Variants in CSMD1 observed in about 807,000 individuals in gnomAD.
CSMD1 encodes the protein CUB and Sushi multiple domains 1.
Under a neutral mutation model 417.5 loss-of-function variants are expected in CSMD1, and 213 were observed. The ratio of observed to expected loss-of-function variants is 0.51; its 90% confidence interval spans 0.46 to 0.57. The LOEUF is 0.57. Ranked by LOEUF, CSMD1 falls within the 20% of genes least tolerant of loss-of-function variation. The pLI is 0.00. For synonymous variants in CSMD1, 2,862 were observed against 1,736.8 expected, an observed-to-expected ratio of 1.65 and a Z score of -16.11; for missense variants, 6,923 against 4,529.7, an observed-to-expected ratio of 1.53 and a Z score of -15.17.
At chr8:3,579,791 C>G (rs961959184) in intron 9 of CSMD1, among the ~76,000 whole-genome samples, 4 of 152,144 alleles carry the variant, frequency 2.6e-5, no homozygotes, top group African/African-American at 7.2e-5. Context: ...GACAATAAAG[C>G]ATTTACTACA....
At chr8:4,792,127 C>G (rs763033499) in intron 1 of CSMD1, among the ~76,000 whole-genome samples, 2 of 152,114 alleles carry the variant, frequency 1.3e-5, no homozygotes, top group African/African-American at 4.8e-5. Context: ...AACAGAATCT[C>G]TCTCCTTATT....
At chr8:3,730,064 G>A (rs1269372966) in intron 6 of CSMD1, among the ~76,000 whole-genome samples, 2 of 151,448 alleles carry the variant, frequency 1.3e-5, no homozygotes, top group Non-Finnish European at 1.5e-5. Context: ...TCTACCTTAA[G>A]GCTGTGATTC....
chr8:3,933,940 C>T (rs1377519796), intron 5 of CSMD1, among the ~76,000 whole-genome samples: 1 of 152,060 alleles, frequency 6.6e-6, no homozygotes, highest in South Asian at 2.1e-4. Flanking sequence ...GAAAAACCAG[C>T]CAGGGACCTA....
chr8:4,048,599 A>G (rs975991579), intron 3 of CSMD1, among the ~76,000 whole-genome samples: 1 of 152,206 alleles, frequency 6.6e-6, no homozygotes, highest in African/African-American at 2.4e-5. Context: ...TTTGTATACA[A>G]ACAGCACACA....
chr8:4,567,761 C>G (rs1349935183), intron 2 of CSMD1, among the ~76,000 whole-genome samples: 1 of 151,966 alleles, frequency 6.6e-6, no homozygotes, highest in Non-Finnish European at 1.5e-5. Flanking sequence ...TTATATTAAA[C>G]TATTGCTGGT....
rs192857972 is a variant in CSMD1 at position 4,658,119 on chromosome 8, A to T, written c.86-20561T>A. 2.1e-3 allele frequency among the ~76,000 whole-genome samples: 316 copies of T among 152,232 alleles called. 4 individuals are homozygous for T. The highest frequency in any genetic ancestry group is 7.4e-3 in the African/African-American group (307 of 41,574). On this transcript the variant is annotated intron_variant, in intron 1 of 69. Transcript: ENST00000635120. The stretch of plus-strand genomic sequence containing the variant: ...AGAAACACATGGGGCACCATGAAAC[A>T]TAACAATATATGCATAATAAAAAAT...
chr8:4,452,298 T>C (rs1368837607), intron 2 of CSMD1, among the ~76,000 whole-genome samples: 1 of 152,192 alleles, frequency 6.6e-6, no homozygotes, highest in African/African-American at 2.4e-5. Context: ...TAACAACTAT[T>C]TAGGTGAATT....
At chr8:3,106,391 C>G (rs955144454) in intron 46 of CSMD1, 137 bp downstream of exon 46, 1 of 575,404 alleles carries the variant, frequency 1.7e-6, no homozygotes, top group East Asian at 3.0e-5. Context: ...GAGTAAGACC[C>G]TATCTCCAAG....
intron 3 of CSMD1, among the ~76,000 whole-genome samples, chr8:4,352,196 T>A (rs1801139060): frequency 6.6e-6 from 1 of 152,164 alleles, no homozygotes. Flanking sequence ...CTGGGATGAA[T>A]AAGCAAGCCC....
At chr8:3,319,544 T>G (rs975069) in intron 23 of CSMD1, among the ~76,000 whole-genome samples, 1 of 152,066 alleles carries the variant, frequency 6.6e-6, no homozygotes, top group Non-Finnish European at 1.5e-5. Context: ...ATCTAAATTA[T>G]ATTGAAATAT....
intron 2 of CSMD1, among the ~76,000 whole-genome samples, chr8:4,430,096 C>T (rs962226667): frequency 1.1e-4 from 16 of 152,094 alleles, no homozygotes; most frequent in African/African-American, 3.6e-4. Flanking sequence ...GTTTAAATCC[C>T]AGAAGTGAGG....
chr8:3,725,955 C>T (rs78969985), intron 6 of CSMD1, among the ~76,000 whole-genome samples: 7,435 of 152,150 alleles, frequency 0.049, 217 homozygotes, highest in Middle Eastern at 0.11. Context: ...AAGCAATGAA[C>T]AGAAAAAACA....
At chr8:3,857,099 C>A (rs1210479395) in intron 5 of CSMD1, among the ~76,000 whole-genome samples, 1 of 152,024 alleles carries the variant, frequency 6.6e-6, no homozygotes, top group Non-Finnish European at 1.5e-5. Flanking sequence ...GACTAAGACA[C>A]AGCTCTTTAG....
At chr8:3,302,746 C>G (rs781386060) in intron 25 of CSMD1, among the ~76,000 whole-genome samples, 19 of 152,214 alleles carry the variant, frequency 1.2e-4, no homozygotes, top group Admixed American at 3.3e-4. Context: ...GATGTAGGAA[C>G]TGAAGAGCTC....
chr8:3,247,709 A>C (rs1338229157), intron 26 of CSMD1, among the ~76,000 whole-genome samples: 4 of 152,218 alleles, frequency 2.6e-5, no homozygotes, highest in Admixed American at 2.6e-4. Context: ...ATCTCCCAAC[A>C]GTTGAGATTA....
chr8:3,988,185 C>A (rs1169034021), intron 5 of CSMD1, among the ~76,000 whole-genome samples: 1 of 152,082 alleles, frequency 6.6e-6, no homozygotes, highest in Admixed American at 6.5e-5. Context: ...AGTCTCTAAG[C>A]AGTAAGACCC....
chr8:4,014,005 C>T (rs56367447), intron 4 of CSMD1, among the ~76,000 whole-genome samples: 3,791 of 152,100 alleles, frequency 0.025, 69 homozygotes, highest in Non-Finnish European at 0.039. Context: ...AATTAACACA[C>T]GTAAATACTG....
In CSMD1 at chr8:4,835,280, A is replaced by G. The variant is rs137959001; in HGVS notation, c.85+159052T>C. ...GATACTAAGGAGAGGTTACAATACAAACATCGTCGGAGATTACGTTTGAAA... is the reference window on the plus strand; with the variant it reads ...GATACTAAGGAGAGGTTACAATACAGACATCGTCGGAGATTACGTTTGAAA... On this transcript the variant is annotated intron_variant, in intron 1 of 69. Transcript: ENST00000635120. 3.4e-3 allele frequency among the ~76,000 whole-genome samples: 524 copies of G among 152,236 alleles called. 2 individuals are homozygous for G. Among genetic ancestry groups the G allele is most frequent in the African/African-American group, 0.012 (510 of 41,550 alleles).
intron 2 of CSMD1, among the ~76,000 whole-genome samples, chr8:4,602,733 A>T (rs1800658959): frequency 6.6e-6 from 1 of 152,192 alleles, no homozygotes; most frequent in Non-Finnish European, 1.5e-5. Flanking sequence ...AGCCACCAGC[A>T]TCTACAGATA....
Sources: gnomAD v4.1 joint callset for allele counts (sites outside exome capture counted in the v4.1 genomes callset) on GRCh38, gnomAD v4.1.1 for gene constraint, MANE v1.5 for transcripts, NCBI Gene and HGNC (gene_info 2026-07-23, HGNC 2026-07-21) for gene names.